The following WDR64 variants were observed in gnomAD, a reference collection of about 807,000 sequenced individuals.
WDR64 encodes WD repeat domain 64, also known as WD repeat-containing protein 64.
A neutral mutation model predicts 139.3 loss-of-function variants in WDR64; 112 were observed. The observed-to-expected ratio is 0.80, with a 90% CI of 0.69 to 0.94. The LOEUF is 0.94. WDR64 is among the 40% of genes least tolerant of loss of function. The pLI is 0.00. For synonymous variants in WDR64, 444 were observed against 437.7 expected, an observed-to-expected ratio of 1.01 and a Z score of -0.18; for missense variants, 1,206 against 1,293.1, an observed-to-expected ratio of 0.93 and a Z score of 1.03.
At chr1:241,683,862 T>TAC (rs1553364798) in intron 7 of WDR64, among the ~76,000 whole-genome samples, 161 bp downstream of exon 7, 3 of 110,788 alleles carry the variant, frequency 2.7e-5, no homozygotes, top group African/African-American at 1.0e-4. Flanking sequence ...ATTGTTCATG[T>TAC]ATACACACAC....
chr1:241,698,893 A>T lies in WDR64; in HGVS notation c.974+11298A>T, dbSNP rs551235578. Among the ~76,000 whole-genome samples, 3 of 152,320 alleles carry T rather than the reference A, an allele frequency of 2.0e-5. No individual in the cohort carries two copies. In the South Asian group the frequency reaches 6.2e-4, roughly 32 times the overall value. On this transcript the variant is annotated intron_variant, in intron 8 of 27. Transcript: ENST00000437684. ...AAGGAAAGAGGTTTAATTGACTCAC[A>T]GTTCTGCAGGGCTGCAAAGGGTTCA...
intron 4 of WDR64, chr1:241,677,196 A>T: frequency 2.5e-6 from 1 of 396,758 alleles, no homozygotes; most frequent in Non-Finnish European, 4.4e-6. Context: ...TGTAAGGATT[A>T]TGAAACTTTT....
intron 18 of WDR64, among the ~76,000 whole-genome samples, 198 bp from the exon 19 acceptor site, chr1:241,771,463 G>A (rs1194350359): frequency 6.6e-6 from 1 of 152,024 alleles, no homozygotes; most frequent in Non-Finnish European, 1.5e-5. Context: ...ACTGCTAGAA[G>A]AATGTTGTGT....
Position 241,656,205 on chromosome 1 carries a change from T to A in WDR64, c.145+3576T>A, listed in dbSNP as rs542256704. ...TTCACTTTTGTCAGGCTGTTAATAA[T>A]GTCTGGCACAAATTCATATTTATTA... On this transcript the variant is annotated intron_variant, in intron 1 of 27. Coordinates refer to ENST00000437684, the MANE Select transcript of WDR64 (RefSeq NM_001367482.1). The surrounding 1 kb of genome is among the most constrained non-coding windows in gnomAD (Gnocchi z 4.3). 1.3e-4 allele frequency among the ~76,000 whole-genome samples: 20 copies of A among 152,320 alleles called. No individual in the cohort carries two copies. Among genetic ancestry groups the A allele is most frequent in the Admixed American group, 5.9e-4 (9 of 15,302 alleles).
intron 20 of WDR64, among the ~76,000 whole-genome samples, chr1:241,773,483 T>TG (rs1375094068): frequency 1.3e-5 from 2 of 152,178 alleles, no homozygotes; most frequent in Non-Finnish European, 2.9e-5. Context: ...TTTGTTTGTT[T>TG]TTTTAAGATG....
intron 8 of WDR64, among the ~76,000 whole-genome samples, chr1:241,696,378 G>A (rs1313452970): frequency 1.3e-5 from 2 of 151,910 alleles, no homozygotes; most frequent in African/African-American, 4.8e-5. Context: ...TGGACCTCAC[G>A]CAAAAAAGAA....
At chr1:241,789,712 C>T (rs781422136) in intron 24 of WDR64, among the ~76,000 whole-genome samples, 1 of 152,036 alleles carries the variant, frequency 6.6e-6, no homozygotes, top group African/African-American at 2.4e-5. Flanking sequence ...GAACAACATA[C>T]ACTACACTGG....
intron 8 of WDR64, among the ~76,000 whole-genome samples, chr1:241,709,710 A>T (rs1012107528): frequency 3.3e-5 from 5 of 152,192 alleles, no homozygotes; most frequent in Non-Finnish European, 5.9e-5. Flanking sequence ...GAGAAATAAA[A>T]AGGAACTGCA....
intron 4 of WDR64, chr1:241,675,945 A>G (rs900622679): frequency 1.1e-4 from 16 of 152,244 alleles, no homozygotes; most frequent in Admixed American, 1.3e-4. Flanking sequence ...TGCTATGAAA[A>G]TAAAAGATGA....
At chr1:241,801,025 TAGGAGG>T in intron 27 of WDR64, 101 bp from the exon 28 acceptor site, 1 of 818,226 alleles carries the variant, frequency 1.2e-6, no homozygotes, top group South Asian at 1.8e-5. Flanking sequence ...ATTTTTTTTC[TAGGAGG>T]ATTAAAATCT....
chr1:241,699,712 T>G (rs191290015), intron 8 of WDR64, among the ~76,000 whole-genome samples: 64 of 152,044 alleles, frequency 4.2e-4, no homozygotes, highest in African/African-American at 1.5e-3. Flanking sequence ...AATACAGAAG[T>G]GGTATTCACA....
intron 10 of WDR64, among the ~76,000 whole-genome samples, chr1:241,724,094 C>A (rs915132877): frequency 4.6e-5 from 7 of 151,986 alleles, no homozygotes; most frequent in African/African-American, 1.7e-4. Flanking sequence ...ACTTAACAGG[C>A]AATATTCACT....
intron 2 of WDR64, 99 bp downstream of exon 2, chr1:241,660,759 C>T (rs1665801462): frequency 1.5e-6 from 2 of 1,315,600 alleles, no homozygotes; most frequent in Non-Finnish European, 2.1e-6. Flanking sequence ...AGGGGTTGAA[C>T]CACAACGTGC....
At chr1:241,690,150 C>T (rs1667159594) in intron 8 of WDR64, among the ~76,000 whole-genome samples, 1 of 152,036 alleles carries the variant, frequency 6.6e-6, no homozygotes, top group African/African-American at 2.4e-5. Context: ...CTAGGCATAT[C>T]ATGTTCAAAC....
intron 23 of WDR64, among the ~76,000 whole-genome samples, chr1:241,787,195 A>G (rs1659065850): frequency 9.4e-6 from 1 of 106,690 alleles, no homozygotes; most frequent in African/African-American, 2.8e-5. Context: ...TCTACTAAAA[A>G]TACAAAAAAA....
Position 241,707,743 on chromosome 1 carries a change from AC to A in WDR64, c.975-4055del, listed in dbSNP as rs530622479. On this transcript the variant is annotated intron_variant, in intron 8 of 27. Coordinates refer to ENST00000437684, the MANE Select transcript of WDR64 (RefSeq NM_001367482.1). ...AAAGGCTGCACAGTTGCCCTGCATG[AC>A]CCCTGCCCCAGCTGCAGGTATAGGG... is the stretch of plus-strand genomic sequence containing the variant. Among the ~76,000 whole-genome samples, 3 of 152,252 alleles carry A rather than the reference AC, an allele frequency of 2.0e-5. No homozygotes were observed. The South Asian group carries it at 6.2e-4, about 32-fold the overall frequency.
At chr1:241,682,989 AT>A (rs1666868570) in intron 6 of WDR64, among the ~76,000 whole-genome samples, 1 of 152,210 alleles carries the variant, frequency 6.6e-6, no homozygotes, top group African/African-American at 2.4e-5. Flanking sequence ...CAATAGCTGT[AT>A]AGCTTAGTGG....
chr1:241,774,196 A>T (rs1658566755), intron 20 of WDR64, among the ~76,000 whole-genome samples: 1 of 152,312 alleles, frequency 6.6e-6, no homozygotes, highest in African/African-American at 2.4e-5. Context: ...CAGAACACAA[A>T]ACAGTTTTGT....
intron 2 of WDR64, among the ~76,000 whole-genome samples, 187 bp from the exon 3 acceptor site, chr1:241,670,887 G>A (rs923906281): frequency 1.3e-5 from 2 of 152,208 alleles, no homozygotes; most frequent in Non-Finnish European, 2.9e-5. Flanking sequence ...ACTGGTGCCT[G>A]GTGTCAAGAA....
Sources: gnomAD v4.1 joint callset for allele counts (sites outside exome capture counted in the v4.1 genomes callset) on GRCh38, gnomAD v4.1.1 for gene constraint, Gnocchi (gnomAD v3.1) non-coding constraint, MANE v1.5 for transcripts, NCBI Gene and HGNC (gene_info 2026-07-23, HGNC 2026-07-21) for gene names.